Variants in VPS41 observed in about 807,000 individuals in gnomAD.
The protein encoded by VPS41 is VPS41 subunit of HOPS complex.
VPS41 carries 85 observed loss-of-function variants against 130.9 expected under a neutral mutation model. The ratio of observed to expected loss-of-function variants is 0.65; its 90% confidence interval spans 0.55 to 0.78. VPS41 has a LOEUF of 0.78. Among genes scored for constraint, VPS41 ranks in the 30% least tolerant of loss-of-function variants. The pLI, the probability that VPS41 is intolerant of heterozygous loss-of-function variation, is 0.00. For synonymous variants in VPS41, 335 were observed against 332.9 expected (o/e 1.01, Z -0.07); for missense variants, 874 against 1,018.7 (o/e 0.86, Z 1.93).
intron 2 of VPS41, among the ~76,000 whole-genome samples, chr7:38,870,049 A>T (rs2116340851): frequency 6.6e-6 from 1 of 152,278 alleles, no homozygotes; most frequent in South Asian, 2.1e-4. Flanking sequence ...TTCTTCCTGG[A>T]GGCATTTACT....
At position 38,742,150 on chromosome 7, in the gene VPS41, AT is replaced by A. The variant is rs765884600; in HGVS notation, c.2123-30del. The A allele has an allele frequency of 1.9e-6, 3 of 1,573,188 alleles. No homozygotes were observed. In the Admixed American group the frequency reaches 5.9e-5, roughly 31 times the overall value. ...CAAAATACCACATAAAACAATGAAC[AT>A]ATAAGCAACATTATAATGCAATTTT... On this transcript the variant is annotated intron_variant, in intron 24 of 28. Transcript: ENST00000310301.
chr7:38,883,403 AGT>A (rs1786655965), intron 2 of VPS41, among the ~76,000 whole-genome samples: 1 of 152,154 alleles, frequency 6.6e-6, no homozygotes, highest in Admixed American at 6.5e-5. Flanking sequence ...CTCTGGGCAC[AGT>A]GTTTGCTCTT....
chr7:38,739,099 T>TA (rs1304707663), intron 25 of VPS41, among the ~76,000 whole-genome samples: 1 of 152,222 alleles, frequency 6.6e-6, no homozygotes. Context: ...TATACTCTAT[T>TA]GTCAATCTCC....
At chr7:38,738,536 GCTCAACAAC>G (rs1795818790) in intron 25 of VPS41, among the ~76,000 whole-genome samples, 1 of 152,062 alleles carries the variant, frequency 6.6e-6, no homozygotes, top group South Asian at 2.1e-4. Context: ...GGACATAAAC[GCTCAACAAC>G]TACATGCTAA....
At chr7:38,852,454 C>CT (rs1489884807) in intron 4 of VPS41, among the ~76,000 whole-genome samples, 1 of 152,198 alleles carries the variant, frequency 6.6e-6, no homozygotes, top group East Asian at 1.9e-4. Flanking sequence ...ACTAAATCTC[C>CT]TTGGTTGTGG....
intron 4 of VPS41, among the ~76,000 whole-genome samples, chr7:38,846,027 A>G (rs1389015105): frequency 6.6e-6 from 1 of 152,232 alleles, no homozygotes. Flanking sequence ...GAGAAAGAAA[A>G]GCAGAATGAC....
intron 25 of VPS41, among the ~76,000 whole-genome samples, chr7:38,738,915 C>T (rs1475250759): frequency 1.3e-5 from 2 of 152,216 alleles, no homozygotes; most frequent in Non-Finnish European, 2.9e-5. Flanking sequence ...TCTAACAAAC[C>T]TAATGATGCT....
At chr7:38,752,433 A>G in intron 21 of VPS41, 120 bp from the exon 22 acceptor site, 2 of 1,185,234 alleles carry the variant, frequency 1.7e-6, no homozygotes, top group Non-Finnish European at 2.4e-6. Flanking sequence ...AGCAGTCTTC[A>G]GGGAAAACCT....
chr7:38,752,379 C>T lies in VPS41; in HGVS notation c.1789-66G>A, dbSNP rs1342986722. 14 of 1,590,896 alleles carry T rather than the reference C, an allele frequency of 8.8e-6. No individual in the cohort carries two copies. In the East Asian group the frequency reaches 1.8e-4, roughly 20 times the overall value. On this transcript the variant is annotated intron_variant, in intron 21 of 28. Coordinates refer to ENST00000310301, the MANE Select transcript of VPS41 (RefSeq NM_014396.4). ...GAAAAGCAATACCTGGCTAACATTG[C>T]TATTTTTAGCTCTAAACACCTCCCA...
intron 4 of VPS41, among the ~76,000 whole-genome samples, chr7:38,834,616 G>C (rs758006477): frequency 6.6e-6 from 1 of 152,124 alleles, no homozygotes; most frequent in Non-Finnish European, 1.5e-5. Flanking sequence ...TGGTAGTTTT[G>C]TGACTGTTAG....
At chr7:38,859,780 T>C (rs1388927217) in intron 4 of VPS41, among the ~76,000 whole-genome samples, 2 of 152,226 alleles carry the variant, frequency 1.3e-5, no homozygotes, top group Non-Finnish European at 1.5e-5. Flanking sequence ...AATGTGGTTA[T>C]ATGGGCATAA....
intron 10 of VPS41, 95 bp downstream of exon 10, chr7:38,789,706 C>G (rs955261439): frequency 8.0e-7 from 1 of 1,254,316 alleles, no homozygotes; most frequent in Non-Finnish European, 1.2e-6. Context: ...TGCAGGGATC[C>G]AGGCAAAAGA....
chr7:38,736,978 G>A (rs1451892155), intron 25 of VPS41, among the ~76,000 whole-genome samples: 1 of 152,176 alleles, frequency 6.6e-6, no homozygotes, highest in Non-Finnish European at 1.5e-5. Context: ...AATATGCAGA[G>A]ATTCCACATT....
At chr7:38,732,164 A>T (rs1382601587) in intron 25 of VPS41, among the ~76,000 whole-genome samples, 1 of 152,188 alleles carries the variant, frequency 6.6e-6, no homozygotes, top group East Asian at 1.9e-4. Flanking sequence ...CTACTTTGTC[A>T]CCAAGAGGCA....
intron 25 of VPS41, among the ~76,000 whole-genome samples, chr7:38,734,791 A>G (rs1350775726): frequency 6.6e-6 from 1 of 152,224 alleles, no homozygotes; most frequent in Non-Finnish European, 1.5e-5. Flanking sequence ...TCATACTGCA[A>G]TGCTTATCAT....
At chr7:38,789,693 T>C in intron 10 of VPS41, 108 bp downstream of exon 10, 1 of 1,032,726 alleles carries the variant, frequency 9.7e-7, no homozygotes, top group Non-Finnish European at 1.5e-6. Context: ...GTTAGGAGGC[T>C]GCTGCAGGGA....
At chr7:38,892,513 C>T (rs999584559) in intron 2 of VPS41, among the ~76,000 whole-genome samples, 3 of 152,148 alleles carry the variant, frequency 2.0e-5, no homozygotes, top group African/African-American at 7.2e-5. Flanking sequence ...GATACTTGTT[C>T]CATTACATCT....
chr7:38,827,499 C>A (rs971234388), intron 5 of VPS41, among the ~76,000 whole-genome samples: 4 of 152,186 alleles, frequency 2.6e-5, no homozygotes, highest in African/African-American at 9.7e-5. Flanking sequence ...AGAGGCCAGA[C>A]TGCAATGGAT....
chr7:38,767,538 G>C lies in VPS41; in HGVS notation c.1246C>G (p.Arg416Gly), dbSNP rs139485137. The C allele has an allele frequency of 5.2e-5, 83 of 1,596,752 alleles. No individual in the cohort carries two copies. The highest frequency in any genetic ancestry group is 1.7e-4 in the Middle Eastern group (1 of 6,034). The change falls in exon 15 of 29, where the codon CGC (arginine) becomes GGC (glycine). Residue 416 changes from arginine to glycine, a missense_variant and splice_region_variant. By Grantham distance (125) the Arg-to-Gly change is moderately radical. Transcript: ENST00000310301. ...TAATTGTGAAAATGTCATCATTACC[G>C]TGCTGCTATGTCATAGTCTCCTCTC... ...VERGDYDIAARKCQKILGKNA... is the reference protein window; with the variant it reads ...VERGDYDIAAGKCQKILGKNA...
Sources: gnomAD v4.1 joint callset for allele counts (sites outside exome capture counted in the v4.1 genomes callset) on GRCh38, gnomAD v4.1.1 for gene constraint, MANE v1.5 for transcripts, NCBI Gene and HGNC (gene_info 2026-07-23, HGNC 2026-07-21) for gene names.